NDUFAF2: variants seen among roughly 807,000 people sequenced by gnomAD.
NDUFAF2 encodes the protein NADH:ubiquinone oxidoreductase complex assembly factor 2, also known as NADH dehydrogenase [ubiquinone] 1 alpha subcomplex assembly factor 2.
In NDUFAF2, 13 loss-of-function variants were observed where a neutral mutation model predicts 22.8. That is an observed-to-expected ratio of 0.57 (90% CI 0.37 to 0.91). The LOEUF (loss-of-function observed/expected upper bound fraction) is 0.91, where lower values mean the gene tolerates loss of function less well. Ranked by LOEUF, NDUFAF2 falls within the 40% of genes least tolerant of loss-of-function variation. The pLI, the probability that NDUFAF2 is intolerant of heterozygous loss-of-function variation, is 0.01. For missense variants in NDUFAF2, 162 were observed against 195.2 expected (o/e 0.83, Z 1.01); for synonymous variants, 53 against 64.2 (o/e 0.83, Z 0.84).
chr5:61,127,573 A>C (rs1044144670), intron 3 of NDUFAF2, among the ~76,000 whole-genome samples: 2 of 152,110 alleles, frequency 1.3e-5, no homozygotes, highest in African/African-American at 4.8e-5. Flanking sequence ...CCTTCAACAA[A>C]ATTCAACAAA....
In NDUFAF2 at chr5:60,945,351, C is replaced by G. The variant is rs1430094821; in HGVS notation, c.96C>G (p.Tyr32Ter). ...HVGTDQFGNK[Y>*]YYIPQYKNWR... ...GCACGGACCAATTCGGGAACAAATA[C>G]TACTACATCCCGCAGTACAAGAACT... Residue 32 changes from tyrosine (Y) to a stop codon, truncating the protein, a stop_gained, in exon 1 of 4, where the codon TAC (tyrosine) becomes TAG (stop). Transcript: ENST00000296597. LOFTEE classifies it high-confidence loss of function. 6.2e-7 allele frequency: 1 copy of G among 1,614,168 alleles called. No homozygotes were observed. The highest frequency in any genetic ancestry group is 1.1e-5 in the South Asian group (1 of 91,082).
At chr5:60,985,644 C>T (rs895578086) in intron 1 of NDUFAF2, among the ~76,000 whole-genome samples, 4 of 152,098 alleles carry the variant, frequency 2.6e-5, no homozygotes, top group Admixed American at 6.6e-5. Flanking sequence ...GCCTTCATTT[C>T]GTTATGTACC....
intron 1 of NDUFAF2, among the ~76,000 whole-genome samples, chr5:61,007,802 G>T (rs952324309): frequency 6.6e-6 from 1 of 152,138 alleles, no homozygotes; most frequent in African/African-American, 2.4e-5. Context: ...CCATTACTGG[G>T]TATATACCCA....
intron 3 of NDUFAF2, among the ~76,000 whole-genome samples, chr5:61,110,634 T>C (rs1404182416): frequency 1.3e-5 from 2 of 152,116 alleles, no homozygotes; most frequent in Middle Eastern, 3.2e-3. Flanking sequence ...AGCCTTCTTA[T>C]GATCTTTTGA....
intron 1 of NDUFAF2, among the ~76,000 whole-genome samples, chr5:61,004,957 G>C (rs961649709): frequency 2.6e-4 from 38 of 147,666 alleles, no homozygotes; most frequent in African/African-American, 8.9e-4. Context: ...TATTATTATA[G>C]TTTAAGTTCT....
rs2062967010 is a variant in NDUFAF2, at chr5:61,152,864, A to G, written c.419A>G (p.Lys140Arg). 3.1e-6 allele frequency: 5 copies of G among 1,610,508 alleles called. No homozygotes were observed. The highest frequency in any genetic ancestry group is 1.3e-5 in the African/African-American group (1 of 74,896). ...CATGCCTCTGCTCCATACTTTGGAAAGGAAGAACCCTCAGTGGCTCCCAGC... is the reference window on the plus strand; with the variant it reads ...CATGCCTCTGCTCCATACTTTGGAAGGGAAGAACCCTCAGTGGCTCCCAGC... ...KGHASAPYFG[K>R]EEPSVAPSST... is the part of the protein sequence containing the mutation. Residue 140 changes from lysine (K) to arginine (R), a missense_variant, in exon 4 of 4, where the codon AAG (lysine) becomes AGG (arginine). Transcript: ENST00000296597.
At chr5:61,112,282 C>T (rs530944550) in intron 3 of NDUFAF2, among the ~76,000 whole-genome samples, 1 of 146,834 alleles carries the variant, frequency 6.8e-6, no homozygotes. Flanking sequence ...GGTGCCATCT[C>T]GGCTCACTGC....
intron 1 of NDUFAF2, among the ~76,000 whole-genome samples, chr5:61,007,599 G>A (rs1289044027): frequency 6.6e-6 from 1 of 152,154 alleles, no homozygotes; most frequent in Non-Finnish European, 1.5e-5. Context: ...AAACCACAAC[G>A]AGATACCATC....
intron 2 of NDUFAF2, among the ~76,000 whole-genome samples, chr5:61,076,106 C>T (rs1431201384): frequency 6.6e-6 from 1 of 152,112 alleles, no homozygotes; most frequent in Admixed American, 6.5e-5. Context: ...GAGTCTCGCT[C>T]TTTGCCCAGG....
intron 1 of NDUFAF2, among the ~76,000 whole-genome samples, chr5:60,999,436 G>A (rs1353557357): frequency 6.6e-6 from 1 of 152,040 alleles, no homozygotes; most frequent in South Asian, 2.1e-4. Flanking sequence ...ATGAACCTGT[G>A]AACATGTTAT....
chr5:61,119,604 C>G (rs1752952902), intron 3 of NDUFAF2, among the ~76,000 whole-genome samples: 1 of 152,136 alleles, frequency 6.6e-6, no homozygotes, highest in Admixed American at 6.6e-5. Context: ...TACCTACTAG[C>G]ATTTCTACCT....
rs548502326 is a variant in NDUFAF2 at position 60,950,267 on chromosome 5, A to G, written c.127+4885A>G. ...AATAGCGTGATCTTGGCTCATTGCA[A>G]CCTCCACCTCCTGGTTTCAAGCGAT... On this transcript the variant is annotated intron_variant, in intron 1 of 3. Coordinates refer to ENST00000296597, the MANE Select transcript of NDUFAF2 (RefSeq NM_174889.5). 2.0e-5 allele frequency among the ~76,000 whole-genome samples: 3 copies of G among 151,944 alleles called. No homozygotes were observed. In the East Asian group the frequency reaches 5.8e-4, roughly 29 times the overall value.
At chr5:61,010,633 A>G (rs1751431862) in intron 1 of NDUFAF2, among the ~76,000 whole-genome samples, 1 of 152,066 alleles carries the variant, frequency 6.6e-6, no homozygotes, top group African/African-American at 2.4e-5. Context: ...CTGTTATTAC[A>G]TATTTTAGTG....
At chr5:61,145,106 TA>T (rs958713903) in intron 3 of NDUFAF2, among the ~76,000 whole-genome samples, 14 of 152,098 alleles carry the variant, frequency 9.2e-5, no homozygotes, top group African/African-American at 3.4e-4. Flanking sequence ...CTTTGTTTTT[TA>T]AAAAAACAAA....
At chr5:61,097,322 G>A (rs1465109769) in intron 2 of NDUFAF2, among the ~76,000 whole-genome samples, 1 of 152,156 alleles carries the variant, frequency 6.6e-6, no homozygotes, top group African/African-American at 2.4e-5. Flanking sequence ...GCTTAGCCTA[G>A]CCTACTTTAA....
intron 1 of NDUFAF2, among the ~76,000 whole-genome samples, chr5:60,972,945 C>A (rs10051150): frequency 0.047 from 7,162 of 151,694 alleles, 574 homozygotes; most frequent in African/African-American, 0.16. Context: ...CTAATGATAT[C>A]CTTTAATTCT....
chr5:61,056,457 A>G (rs1351646701), intron 1 of NDUFAF2, among the ~76,000 whole-genome samples: 1 of 152,246 alleles, frequency 6.6e-6, no homozygotes, highest in Admixed American at 6.5e-5. Flanking sequence ...TTTTGGTGCA[A>G]TCACAGCTTA....
intron 1 of NDUFAF2, 120 bp from the exon 2 acceptor site, chr5:61,073,005 G>A (rs1031480828): frequency 1.6e-5 from 11 of 681,680 alleles, no homozygotes; most frequent in South Asian, 5.0e-5. Context: ...ATCTATTCTC[G>A]TTTTCCTGTT....
chr5:61,008,263 T>G (rs557703461), intron 1 of NDUFAF2, among the ~76,000 whole-genome samples: 5 of 152,118 alleles, frequency 3.3e-5, no homozygotes, highest in African/African-American at 9.6e-5. Context: ...GTAACTAACC[T>G]GCACATTGTG....
Sources: allele counts gnomAD v4.1 joint callset (sites outside exome capture counted in the v4.1 genomes callset), GRCh38; gene constraint gnomAD v4.1.1; transcripts MANE v1.5; gene names NCBI Gene and HGNC (gene_info 2026-07-23, HGNC 2026-07-21).